BICDL1: variants seen among roughly 807,000 people sequenced by gnomAD.
BICDL1 encodes the protein BICD family like cargo adaptor 1.
In BICDL1, 20 loss-of-function variants were observed where a neutral mutation model predicts 76.8. The observed-to-expected ratio is 0.26, with a 90% CI of 0.18 to 0.38. BICDL1 has a LOEUF of 0.38. Among genes scored for constraint, BICDL1 ranks in the 10% least tolerant of loss-of-function variants. The pLI is 1.00. For missense variants in BICDL1, 700 were observed against 798.6 expected (o/e 0.88, Z 1.49); for synonymous variants, 383 against 337.1 (o/e 1.14, Z -1.49).
rs773662348 is a variant in BICDL1, at chr12:120,061,779, T to C, written c.715T>C (p.Ser239Pro). The change falls in exon 3 of 10, where the codon TCA becomes CCA. Residue 239 changes from serine (S) to proline (P), a missense_variant. Coordinates refer to ENST00000548673, the MANE Select transcript of BICDL1 (RefSeq NM_001367886.1). ...ALREDFREKN[S>P]STNQHIIRLE... is the part of the protein sequence containing the mutation. ...CAGAGAAGACTTTCGGGAGAAAAAC[T>C]CATCAACCAACCAGCACATTATCCG... 1 of 1,614,010 alleles carries C rather than the reference T, an allele frequency of 6.2e-7. No homozygotes were observed. Among genetic ancestry groups the C allele is most frequent in the Non-Finnish European group, 8.5e-7 (1 of 1,180,002 alleles).
At chr12:120,015,202 C>T (rs979874866) in intron 2 of BICDL1, among the ~76,000 whole-genome samples, 2 of 152,186 alleles carry the variant, frequency 1.3e-5, no homozygotes, top group African/African-American at 4.8e-5. Context: ...GAAACATCTC[C>T]TTGCCTTTAA....
At chr12:120,058,590 CTTTT>C (rs1039285394) in intron 2 of BICDL1, among the ~76,000 whole-genome samples, 3 of 136,136 alleles carry the variant, frequency 2.2e-5, no homozygotes, top group African/African-American at 2.7e-5. Flanking sequence ...AAATTTTTTT[CTTTT>C]TTTTTTTTTT....
At chr12:120,038,242 G>A (rs200953284) in intron 2 of BICDL1, among the ~76,000 whole-genome samples, 20 of 152,164 alleles carry the variant, frequency 1.3e-4, no homozygotes, top group Non-Finnish European at 2.1e-4. Context: ...TTCAGTTTGC[G>A]CAAAGGGCTA....
intron 2 of BICDL1, among the ~76,000 whole-genome samples, chr12:120,027,511 G>A (rs1036215254): frequency 6.6e-6 from 1 of 152,132 alleles, no homozygotes; most frequent in African/African-American, 2.4e-5. Flanking sequence ...TGAATTAGGT[G>A]TTGTTATCCC....
At position 120,079,086 on chromosome 12, in the gene BICDL1, C is replaced by T. The variant is rs906237437; in HGVS notation, c.1453-1801C>T. Reference sequence around the variant, plus strand: ...GTTCTTCCCCGAGGCTTCCGCCCTCCTCACCCAGCTGTCCCTACCGGAAAA... The same window carrying T: ...GTTCTTCCCCGAGGCTTCCGCCCTCTTCACCCAGCTGTCCCTACCGGAAAA... On this transcript the variant is annotated intron_variant, in intron 7 of 9. Transcript: ENST00000548673. This position sits in a 1 kb window ranked among gnomAD's most constrained non-coding sequence, Gnocchi z 4.3. 6.6e-6 allele frequency among the ~76,000 whole-genome samples: 1 copy of T among 152,254 alleles called. No homozygotes were observed. The highest frequency in any genetic ancestry group is 6.5e-5 in the Admixed American group (1 of 15,290).
At chr12:120,090,782 C>T in intron 9 of BICDL1, 2 of 818,696 alleles carry the variant, frequency 2.4e-6, no homozygotes, top group Non-Finnish European at 3.5e-6. Flanking sequence ...CCCAGGGCCC[C>T]ATGGGGCTGG....
At chr12:120,018,895 A>G (rs1043570242) in intron 2 of BICDL1, 2 of 151,960 alleles carry the variant, frequency 1.3e-5, no homozygotes, top group African/African-American at 4.8e-5. Context: ...AATACAAAAA[A>G]TTAGCCGGGC....
intron 2 of BICDL1, chr12:120,019,164 CAG>C (rs1952128656): frequency 6.6e-6 from 1 of 151,136 alleles, no homozygotes; most frequent in African/African-American, 2.4e-5. Context: ...GGGTTAGAAA[CAG>C]AGCAGGTCAA....
chr12:120,004,405 A>G (rs1404776582), intron 2 of BICDL1, among the ~76,000 whole-genome samples: 1 of 152,230 alleles, frequency 6.6e-6, no homozygotes, highest in African/African-American at 2.4e-5. Flanking sequence ...GGGCTGCTTC[A>G]AAGGCTGAAT....
rs1333184061 is a variant in BICDL1 at position 120,092,092 on chromosome 12, G to A, written c.1705-908G>A. The A allele has an allele frequency of 4.1e-6, 4 of 985,316 alleles. No homozygotes were observed. In the African/African-American group the frequency reaches 7.0e-5, roughly 17 times the overall value. The allele number at this position is 985,316 out of a possible 1,614,324, so 61.0% of individuals were successfully genotyped here. On this transcript the variant is annotated intron_variant, in intron 9 of 9. Coordinates refer to ENST00000548673, the MANE Select transcript of BICDL1 (RefSeq NM_001367886.1). Reference sequence around the variant, plus strand: ...ACTGATGATGCTAATTACACAGGCTGCTCATATTTCTAAAGCAGGAGTTTT... The same window carrying A: ...ACTGATGATGCTAATTACACAGGCTACTCATATTTCTAAAGCAGGAGTTTT...
In BICDL1 at chr12:120,093,214, G is replaced by A. The variant is rs1875139468; in HGVS notation, c.*53G>A. ...GGGTGGACTGGAGGCAGCTGGAAAG[G>A]CGGTGCAGGCAAGGCCTCCCCTGCA... On this transcript the variant is annotated 3_prime_UTR_variant, in exon 10 of 10. Coordinates refer to ENST00000548673, the MANE Select transcript of BICDL1 (RefSeq NM_001367886.1). The A allele has an allele frequency of 6.5e-7, 1 of 1,547,604 alleles. No individual in the cohort carries two copies.
chr12:120,000,867 T>C (rs1951745490), intron 2 of BICDL1, among the ~76,000 whole-genome samples: 1 of 152,230 alleles, frequency 6.6e-6, no homozygotes, highest in Non-Finnish European at 1.5e-5. Context: ...ATAATGTGTT[T>C]ATGTTAAACA....
intron 2 of BICDL1, among the ~76,000 whole-genome samples, chr12:120,017,839 G>C (rs1471827704): frequency 6.6e-6 from 1 of 152,204 alleles, no homozygotes; most frequent in African/African-American, 2.4e-5. Context: ...AGGCTGTGGA[G>C]CCAACAGCTG....
chr12:120,094,237 C>A lies in BICDL1; in HGVS notation c.*1076C>A, dbSNP rs749213137. On this transcript the variant is annotated 3_prime_UTR_variant, in exon 10 of 10. Transcript: ENST00000548673. ...CAGAGGCTCCGCGGCCCGGCCAGCC[C>A]TCAGCTGCTCACAACCGATTCAGTC... 3 of 456,774 alleles carry A rather than the reference C, an allele frequency of 6.6e-6. No homozygotes were observed. The highest frequency in any genetic ancestry group is 4.6e-5 in the South Asian group (3 of 64,576). The allele number at this position is 456,774 out of a possible 1,614,324, so 28.3% of individuals were successfully genotyped here.
chr12:120,068,479 T>A (rs1872825366), intron 4 of BICDL1, among the ~76,000 whole-genome samples: 1 of 152,196 alleles, frequency 6.6e-6, no homozygotes, highest in Non-Finnish European at 1.5e-5. Flanking sequence ...AACTAGGGTC[T>A]GCTGTATTAA....
intron 3 of BICDL1, among the ~76,000 whole-genome samples, chr12:120,064,408 T>G (rs568487033): frequency 6.6e-6 from 1 of 152,074 alleles, no homozygotes; most frequent in African/African-American, 2.4e-5. Context: ...GGGGTAAAGT[T>G]GAGGGCAGGC....
chr12:120,026,137 G>A (rs544312992), intron 2 of BICDL1, among the ~76,000 whole-genome samples: 86 of 152,006 alleles, frequency 5.7e-4, no homozygotes, highest in Non-Finnish European at 1.0e-3. Flanking sequence ...CGTGCCCGAC[G>A]CACATTTATT....
rs1951477714 is a variant in BICDL1, at chr12:119,989,929, G to T, written c.61G>T (p.Ala21Ser). 1.4e-6 allele frequency: 2 copies of T among 1,470,644 alleles called. No individual in the cohort carries two copies. Among genetic ancestry groups the T allele is most frequent in the South Asian group, 1.3e-5 (1 of 75,046 alleles). 91.1% of individuals were successfully genotyped at this position (1,470,644 alleles called of 1,614,324 possible). The change falls in exon 1 of 10, where the codon GCC becomes TCC. Residue 21 changes from alanine (A) to serine (S), a missense_variant. Physicochemically the swap from Ala to Ser is moderately conservative, Grantham distance 99. Transcript: ENST00000548673. Reference protein sequence around the residue: ...RASAPAEPDSACCMELPAAAG... With the variant: ...RASAPAEPDSSCCMELPAAAG... ...TTCAGCACCCGCCGAGCCGGACAGC[G>T]CCTGCTGCATGGAGCTGCCCGCCGC...
Position 119,998,548 on chromosome 12 carries a change from A to C in BICDL1, c.457A>C (p.Arg153=). The C allele has an allele frequency of 6.2e-7, 1 of 1,611,846 alleles. No individual in the cohort carries two copies. The highest frequency in any genetic ancestry group is 8.5e-7 in the Non-Finnish European group (1 of 1,178,984). ...CTTAGAGCAAGAGAAACATGAATTG[A>C]GAAGACGATTTGAGAACCGAGAAGG... ...EHLEQEKHEL[R]RRFENREGEW... is the part of the protein sequence containing the mutation. Residue 153 remains arginine, a synonymous_variant, in exon 2 of 10, where the codon AGA becomes CGA. Coordinates refer to ENST00000548673, the MANE Select transcript of BICDL1 (RefSeq NM_001367886.1).
Sources: gnomAD v4.1 joint callset for allele counts (sites outside exome capture counted in the v4.1 genomes callset) on GRCh38, gnomAD v4.1.1 for gene constraint, Gnocchi (gnomAD v3.1) non-coding constraint, MANE v1.5 for transcripts, NCBI Gene and HGNC (gene_info 2026-07-23, HGNC 2026-07-21) for gene names.